Variants in TMEM116 observed in about 807,000 individuals in gnomAD.
TMEM116 encodes the protein transmembrane protein 116.
In TMEM116, 38 loss-of-function variants were observed where a neutral mutation model predicts 44.3. The ratio of observed to expected loss-of-function variants is 0.86; its 90% CI spans 0.66 to 1.12. TMEM116 has a LOEUF of 1.12. Among genes scored for constraint, TMEM116 ranks in the 50% most tolerant of loss-of-function variants. The probability of loss-of-function intolerance (pLI) is 0.00; values close to 1 mark genes in which losing one functional copy is unlikely to be tolerated. For missense variants in TMEM116, 354 were observed against 401.7 expected (o/e 0.88, Z 1.01); for synonymous variants, 132 against 144.8 (o/e 0.91, Z 0.64).
intron 4 of TMEM116, among the ~76,000 whole-genome samples, chr12:111,971,001 C>T (rs79916865): frequency 0.013 from 2,009 of 152,230 alleles, 52 homozygotes; most frequent in African/African-American, 0.046. Context: ...TTGTTGAAAA[C>T]AATGCAAGCA....
chr12:111,940,563 G>GTATATATATATATATATATA (rs1183393218), intron 5 of TMEM116, among the ~76,000 whole-genome samples: 1 of 125,476 alleles, frequency 8.0e-6, no homozygotes, highest in African/African-American at 3.2e-5. Context: ...ACATATATAT[G>GTATATATATATATATATATA]TGTGTATATA....
chr12:111,964,257 G>A (rs1003401167), intron 4 of TMEM116, among the ~76,000 whole-genome samples: 4 of 151,848 alleles, frequency 2.6e-5, no homozygotes, highest in Admixed American at 6.6e-5. Flanking sequence ...TGGCCAACAT[G>A]GTGAAACCCC....
chr12:111,965,377 T>C (rs2074912043), intron 4 of TMEM116, among the ~76,000 whole-genome samples: 1 of 152,116 alleles, frequency 6.6e-6, no homozygotes, highest in African/African-American at 2.4e-5. Context: ...ACAGAAAAAA[T>C]AAAAATCATC....
At chr12:111,967,290 G>A (rs2075036927) in intron 4 of TMEM116, among the ~76,000 whole-genome samples, 2 of 152,110 alleles carry the variant, frequency 1.3e-5, no homozygotes, top group South Asian at 4.1e-4. Flanking sequence ...TCTAGCTGTA[G>A]TACTTTCTTT....
At chr12:112,005,416 A>C in intron 1 of TMEM116, 113 bp from the exon 2 acceptor site, 8 of 742,846 alleles carry the variant, frequency 1.1e-5, no homozygotes, top group African/African-American at 1.8e-5. Context: ...GCCTAATCTC[A>C]AAACATACTA....
intron 4 of TMEM116, among the ~76,000 whole-genome samples, chr12:111,944,997 C>A (rs886848369): frequency 2.0e-4 from 30 of 150,550 alleles, no homozygotes; most frequent in African/African-American, 7.1e-4. Flanking sequence ...ATCACTTGAG[C>A]CCTGGAGATG....
chr12:111,974,147 A>G (rs1187451687), intron 4 of TMEM116, among the ~76,000 whole-genome samples: 2 of 151,100 alleles, frequency 1.3e-5, no homozygotes, highest in Non-Finnish European at 3.0e-5. Context: ...AAAACAGAGA[A>G]AAAAAAAAAC....
chr12:111,986,277 T>G (rs1366549544), intron 4 of TMEM116, among the ~76,000 whole-genome samples: 1 of 152,072 alleles, frequency 6.6e-6, no homozygotes, highest in Non-Finnish European at 1.5e-5. Flanking sequence ...GAGTATTACT[T>G]AAGCCCAGAA....
chr12:111,931,931 A>G (rs2071680327), intron 10 of TMEM116, 104 bp from the exon 11 acceptor site: 11 of 807,126 alleles, frequency 1.4e-5, no homozygotes, highest in South Asian at 2.1e-5. Context: ...TATTTTCTCT[A>G]TCTCAAACAT....
At chr12:111,957,983 C>G (rs890117971) in intron 4 of TMEM116, among the ~76,000 whole-genome samples, 2 of 133,672 alleles carry the variant, frequency 1.5e-5, no homozygotes, top group Non-Finnish European at 3.3e-5. Flanking sequence ...CCCCCAACCC[C>G]GTGCTCTCTG....
intron 3 of TMEM116, among the ~76,000 whole-genome samples, chr12:112,003,237 T>C (rs925856314): frequency 1.3e-5 from 2 of 152,188 alleles, no homozygotes; most frequent in African/African-American, 4.8e-5. Context: ...TTCCTTAGCC[T>C]TAGCAATTAA....
intron 4 of TMEM116, among the ~76,000 whole-genome samples, chr12:111,985,140 T>C (rs977493597): frequency 1.3e-5 from 2 of 152,136 alleles, no homozygotes; most frequent in African/African-American, 4.8e-5. Flanking sequence ...TTACCACTTC[T>C]ATTCAACATA....
intron 4 of TMEM116, among the ~76,000 whole-genome samples, chr12:111,972,273 C>A (rs1016078): frequency 0.2 from 29,750 of 151,846 alleles, 3,129 homozygotes; most frequent in Middle Eastern, 0.27. Context: ...ATAATGGTGT[C>A]ACTTAATCAA....
chr12:112,006,777 A>G (rs1177561338), intron 1 of TMEM116, among the ~76,000 whole-genome samples: 1 of 152,230 alleles, frequency 6.6e-6, no homozygotes, highest in Non-Finnish European at 1.5e-5. Flanking sequence ...GAAAAAAGAG[A>G]GCAGAAGGAA....
chr12:111,948,702 T>C (rs1367013231), intron 4 of TMEM116, among the ~76,000 whole-genome samples: 3 of 152,192 alleles, frequency 2.0e-5, no homozygotes, highest in Non-Finnish European at 4.4e-5. Context: ...AATATACTCA[T>C]GCATATATTT....
At chr12:111,933,844 A>T (rs891091994) in intron 9 of TMEM116, 42 bp downstream of exon 9, 4 of 1,609,654 alleles carry the variant, frequency 2.5e-6, no homozygotes, top group Middle Eastern at 1.8e-4. Flanking sequence ...GAACCTAATA[A>T]CTGCCCTCTT....
rs759583297 is a variant in TMEM116, at chr12:111,940,523, G to GTATATATATATATATA, written c.316-2329_316-2314dup. Among the ~76,000 whole-genome samples, 230 of 104,820 alleles carry GTATATATATATATATA rather than the reference G, an allele frequency of 2.2e-3. 7 individuals carry two copies. The East Asian group carries it at 0.061, about 28-fold the overall frequency. The allele number at this position is 104,820 out of a possible 152,430, so 68.8% of individuals were successfully genotyped here. A position where few individuals can be genotyped will look rare whatever the true frequency, so the allele number is the denominator to read the frequency against. ...CATATATATACACACATATATATGT[G>GTATATATATATATATA]TATATATATATATATATATATACAC... On this transcript the variant is annotated intron_variant, in intron 5 of 10. Transcript: ENST00000552374.
chr12:111,933,966 C>T lies in TMEM116; in HGVS notation c.653G>A (p.Ser218Asn). ...KFVKSTGFLG[S>N]EQWAVIHIVD... ...AATGTGAATCACTGCCCACTGTTCA[C>T]TCCCCAGAAAGCCAGTTGACTTCAC... Residue 218 changes from serine (S) to asparagine (N), a missense_variant, in exon 9 of 11, where the codon AGT becomes AAT. Coordinates refer to ENST00000552374, the MANE Select transcript of TMEM116 (RefSeq NM_001193531.2). 1 of 1,614,166 alleles carries T rather than the reference C, an allele frequency of 6.2e-7. No homozygotes were observed. The highest frequency in any genetic ancestry group is 1.1e-5 in the South Asian group (1 of 91,082).
intron 3 of TMEM116, among the ~76,000 whole-genome samples, chr12:111,999,033 T>C (rs1459717824): frequency 6.6e-6 from 1 of 152,044 alleles, no homozygotes; most frequent in African/African-American, 2.4e-5. Context: ...ATTCTACCCC[T>C]CCTATGTATA....
Sources: allele counts gnomAD v4.1 joint callset (sites outside exome capture counted in the v4.1 genomes callset), GRCh38; gene constraint gnomAD v4.1.1; transcripts MANE v1.5; gene names NCBI Gene and HGNC (gene_info 2026-07-23, HGNC 2026-07-21).